Variants in APOL2 observed in about 807,000 individuals in gnomAD.
APOL2 encodes the protein apolipoprotein L, 2.
Under a neutral mutation model 7.1 loss-of-function variants are expected in APOL2, and 8 were observed. The ratio of observed to expected loss-of-function variants is 1.12; its 90% CI spans 0.66 to 2.03. The LOEUF is 2.03. APOL2 is among the 30% of genes most tolerant of loss of function. The pLI, the probability that APOL2 is intolerant of heterozygous loss-of-function variation, is 0.00. For missense variants in APOL2, 471 were observed against 415.1 expected (o/e 1.13, Z -1.17); for synonymous variants, 177 against 159.9 (o/e 1.11, Z -0.81).
chr22:36,227,365 G>T lies in APOL2; in HGVS notation c.*39C>A, dbSNP rs750241597. 6.7e-6 allele frequency: 10 copies of T among 1,496,448 alleles called. No individual in the cohort carries two copies. The highest frequency in any genetic ancestry group is 1.9e-4 in the Middle Eastern group (1 of 5,370). 92.7% of individuals were successfully genotyped at this position (1,496,448 alleles called of 1,614,324 possible). ...AAGTCTGCATTTTGTCCTGGCCTGTGCCCGGCATTTCTGCCCTGGTGGCTG... is the reference window on the plus strand; with the variant it reads ...AAGTCTGCATTTTGTCCTGGCCTGTTCCCGGCATTTCTGCCCTGGTGGCTG... On this transcript the variant is annotated 3_prime_UTR_variant, in exon 5 of 5. Transcript: ENST00000358502.
intron 4 of APOL2, among the ~76,000 whole-genome samples, chr22:36,229,343 T>G (rs1471195502): frequency 6.6e-6 from 1 of 152,142 alleles, no homozygotes; most frequent in Non-Finnish European, 1.5e-5. Flanking sequence ...TATTTGGAGC[T>G]GGGCTCAGTC....
chr22:36,238,984 G>A (rs2015507056), intron 1 of APOL2, among the ~76,000 whole-genome samples: 1 of 152,210 alleles, frequency 6.6e-6, no homozygotes, highest in South Asian at 2.1e-4. Context: ...AAAGAAATCT[G>A]TTGTTCCCAT....
intron 4 of APOL2, among the ~76,000 whole-genome samples, chr22:36,229,150 C>T (rs1181523063): frequency 6.6e-6 from 1 of 152,130 alleles, no homozygotes; most frequent in Non-Finnish European, 1.5e-5. Context: ...GTCTGAGCAC[C>T]GTTTGTTATC....
upstream of APOL2, chr22:36,239,674 G>A (rs1328466647): frequency 1.3e-5 from 8 of 625,298 alleles, no homozygotes; most frequent in Non-Finnish European, 2.3e-5. Flanking sequence ...CCTCCTTGCT[G>A]CTGCACTTAG....
chr22:36,232,377 G>T (rs1484270092), intron 3 of APOL2, among the ~76,000 whole-genome samples: 1 of 152,220 alleles, frequency 6.6e-6, no homozygotes, highest in African/African-American at 2.4e-5. Flanking sequence ...GGCAGTGCAG[G>T]GCGGGTGCCC....
At chr22:36,232,659 A>G (rs1434220401) in intron 3 of APOL2, among the ~76,000 whole-genome samples, 5 of 152,310 alleles carry the variant, frequency 3.3e-5, no homozygotes, top group Middle Eastern at 3.4e-3. Context: ...AGCTGGGTCA[A>G]GCATGATACA....
chr22:36,229,459 G>A (rs553772050), intron 4 of APOL2, among the ~76,000 whole-genome samples: 1 of 152,186 alleles, frequency 6.6e-6, no homozygotes, highest in African/African-American at 2.4e-5. Flanking sequence ...TGGCAACACC[G>A]CATGTGTTTT....
At position 36,228,149 on chromosome 22, in the gene APOL2, C is replaced by G. The variant is rs377630085; in HGVS notation, c.269G>C (p.Arg90Thr). 6.8e-6 allele frequency: 11 copies of G among 1,614,082 alleles called. No individual in the cohort carries two copies. In the African/African-American group the frequency reaches 9.3e-5, roughly 14 times the overall value. ...CTTCCTTATGTGATCCTCAAGCTCC[C>G]TTTTCAACCGAGGAAACTCTTTCAA... ...WFLKEFPRLK[R>T]ELEDHIRKLR... Residue 90 changes from arginine to threonine, a missense_variant, in exon 5 of 5, where the codon AGG becomes ACG. Arg to Thr is a moderately conservative substitution (Grantham distance 71, BLOSUM62 -1). Transcript: ENST00000358502.
At chr22:36,229,472 C>A (rs1240536375) in intron 4 of APOL2, among the ~76,000 whole-genome samples, 1 of 152,192 alleles carries the variant, frequency 6.6e-6, no homozygotes, top group East Asian at 1.9e-4. Flanking sequence ...TGTGTTTTGT[C>A]CCACATTCAC....
rs2015281137 is a variant in APOL2 at position 36,233,075 on chromosome 22, G to A, written c.10+78C>T. 13 of 1,426,738 alleles carry A rather than the reference G, an allele frequency of 9.1e-6. 1 individual carries two copies. The South Asian group carries it at 1.5e-4, about 16-fold the overall frequency. The allele number at this position is 1,426,738 out of a possible 1,614,324, so 88.4% of individuals were successfully genotyped here. A position where few individuals can be genotyped will look rare whatever the true frequency, so the allele number is the denominator to read the frequency against. On this transcript the variant is annotated intron_variant, in intron 3 of 4. Coordinates refer to ENST00000358502, the MANE Select transcript of APOL2 (RefSeq NM_030882.4). ...CCTAGTCCATCTGGGTTCTTCTGGG[G>A]CTCACTCAGCTGTGGAGGTGCCACC...
At chr22:36,234,234 A>G (rs2015327561) in intron 1 of APOL2, 1 of 152,272 alleles carries the variant, frequency 6.6e-6, no homozygotes, top group Admixed American at 6.5e-5. Flanking sequence ...AAGTTTTTAT[A>G]CCTAGAGCCA....
intron 4 of APOL2, among the ~76,000 whole-genome samples, chr22:36,230,749 G>T (rs561034806): frequency 8.6e-5 from 13 of 151,448 alleles, no homozygotes; most frequent in African/African-American, 2.7e-4. Context: ...CAGAGCCCAG[G>T]AACTAGGCCT....
chr22:36,227,858 C>T lies in APOL2; in HGVS notation c.560G>A (p.Ser187Asn). ...CATCACCTTTGCTACATTGGTGCCG[C>T]TTTGGTCCAAGTTGCGGGCTTGGGC... The part of the protein sequence containing the change: ...ARAQARNLDQ[S>N]GTNVAKVMKE... Residue 187 changes from serine to asparagine, a missense_variant, in exon 5 of 5, where the codon AGC becomes AAC. By Grantham distance (46) the Ser-to-Asn change is conservative. Transcript: ENST00000358502. 1 of 1,614,232 alleles carries T rather than the reference C, an allele frequency of 6.2e-7. No homozygotes were observed. Among genetic ancestry groups the T allele is most frequent in the Non-Finnish European group, 8.5e-7 (1 of 1,180,046 alleles).
In APOL2 at chr22:36,227,368, C is replaced by A; in HGVS notation, c.*36G>T. 1 of 1,544,088 alleles carries A rather than the reference C, an allele frequency of 6.5e-7. No individual in the cohort carries two copies. Among genetic ancestry groups the A allele is most frequent in the Non-Finnish European group, 8.7e-7 (1 of 1,148,552 alleles). On this transcript the variant is annotated 3_prime_UTR_variant, in exon 5 of 5. Transcript: ENST00000358502. The stretch of plus-strand genomic sequence containing the variant: ...TCTGCATTTTGTCCTGGCCTGTGCC[C>A]GGCATTTCTGCCCTGGTGGCTGCAC...
rs780818393 is a variant in APOL2, at chr22:36,228,205, G to C, written c.213C>G (p.His71Gln). 2 of 1,614,172 alleles carry C rather than the reference G, an allele frequency of 1.2e-6. No individual in the cohort carries two copies. Among genetic ancestry groups the C allele is most frequent in the South Asian group, 1.1e-5 (1 of 91,078 alleles). ...SHMVMKDKNR[H>Q]DKDQQHRQWF... Reference sequence around the variant, plus strand: ...ACTGCCTGTGCTGCTGGTCTTTATCGTGGCGGTTTTTGTCCTTCATGACCA... The same window carrying C: ...ACTGCCTGTGCTGCTGGTCTTTATCCTGGCGGTTTTTGTCCTTCATGACCA... The change falls in exon 5 of 5, where the codon CAC becomes CAG. Residue 71 changes from histidine (H) to glutamine (Q), a missense_variant. His to Gln is a conservative substitution (Grantham distance 24). Coordinates refer to ENST00000358502, the MANE Select transcript of APOL2 (RefSeq NM_030882.4).
intron 1 of APOL2, among the ~76,000 whole-genome samples, chr22:36,238,128 G>C: frequency 6.6e-6 from 1 of 152,086 alleles, no homozygotes; most frequent in Non-Finnish European, 1.5e-5. Context: ...AACATTCAAT[G>C]GGGACACTGT....
chr22:36,239,177 A>G, intron 1 of APOL2: 1 of 1,257,660 alleles, frequency 8.0e-7, no homozygotes, highest in Non-Finnish European at 1.0e-6. Flanking sequence ...GGGTGTCAGA[A>G]CCAGAGCTGA....
intron 1 of APOL2, among the ~76,000 whole-genome samples, chr22:36,234,797 A>G (rs371603539): frequency 1.5e-4 from 23 of 152,286 alleles, no homozygotes; most frequent in African/African-American, 5.5e-4. Flanking sequence ...AGAACCTAGG[A>G]AGTGTGTACC....
intron 4 of APOL2, among the ~76,000 whole-genome samples, chr22:36,228,658 G>A (rs1032239687): frequency 2.6e-5 from 4 of 152,154 alleles, no homozygotes; most frequent in African/African-American, 7.2e-5. Context: ...TACCAGGATG[G>A]CAGGAAAGTG....
Sources: gnomAD v4.1 joint callset for allele counts (sites outside exome capture counted in the v4.1 genomes callset) on GRCh38, gnomAD v4.1.1 for gene constraint, MANE v1.5 for transcripts, NCBI Gene and HGNC (gene_info 2026-07-23, HGNC 2026-07-21) for gene names.